LRCH1: variants seen among roughly 807,000 people sequenced by gnomAD.
LRCH1 encodes the protein leucine rich repeats and calponin homology domain containing 1.
A neutral mutation model predicts 94.9 loss-of-function variants in LRCH1; 23 were observed. The observed-to-expected ratio is 0.24, with a 90% confidence interval of 0.17 to 0.34. The LOEUF is 0.34. LRCH1 is among the 10% of genes least tolerant of loss of function. The probability of loss-of-function intolerance (pLI) is 1.00; values close to 1 mark genes in which losing one functional copy is unlikely to be tolerated. For synonymous variants in LRCH1, 364 were observed against 354.9 expected (o/e 1.03, Z -0.29); for missense variants, 790 against 945.9 (o/e 0.84, Z 2.16).
chr13:46,622,276 A>G (rs1198312690), intron 1 of LRCH1, among the ~76,000 whole-genome samples: 1 of 151,738 alleles, frequency 6.6e-6, no homozygotes, highest in Admixed American at 6.6e-5. Context: ...CCTGGTTAAT[A>G]GAGTATACCA....
intron 2 of LRCH1, among the ~76,000 whole-genome samples, chr13:46,652,866 G>A (rs2051325181): frequency 6.6e-6 from 1 of 152,028 alleles, no homozygotes; most frequent in Admixed American, 6.6e-5. Flanking sequence ...ACAATGATAG[G>A]GATTTTAAAA....
At chr13:46,645,512 T>C (rs2051209302) in intron 1 of LRCH1, among the ~76,000 whole-genome samples, 1 of 152,250 alleles carries the variant, frequency 6.6e-6, no homozygotes, top group African/African-American at 2.4e-5. Flanking sequence ...TTTGATTTAA[T>C]ATATTTGACT....
At chr13:46,582,820 GTTAAAC>G (rs2050388822) in intron 1 of LRCH1, among the ~76,000 whole-genome samples, 1 of 151,196 alleles carries the variant, frequency 6.6e-6, no homozygotes, top group African/African-American at 2.4e-5. Context: ...TTTTGATGTA[GTTAAAC>G]AGTTAACTGC....
At chr13:46,591,613 A>C (rs1411710328) in intron 1 of LRCH1, among the ~76,000 whole-genome samples, 1 of 152,206 alleles carries the variant, frequency 6.6e-6, no homozygotes, top group African/African-American at 2.4e-5. Context: ...GATTTTGGAG[A>C]GCTCTGGGTT....
At chr13:46,660,395 T>C (rs905077794) in intron 2 of LRCH1, among the ~76,000 whole-genome samples, 3 of 151,762 alleles carry the variant, frequency 2.0e-5, no homozygotes, top group African/African-American at 7.3e-5. Flanking sequence ...TAAAAATACA[T>C]GATCGGCCGT....
intron 3 of LRCH1, among the ~76,000 whole-genome samples, chr13:46,677,125 G>A (rs1174645084): frequency 6.6e-6 from 1 of 152,028 alleles, no homozygotes; most frequent in Non-Finnish European, 1.5e-5. Flanking sequence ...AATACTTCTA[G>A]TCAGCCGGGC....
intron 1 of LRCH1, among the ~76,000 whole-genome samples, chr13:46,569,263 G>A (rs997036767): frequency 1.3e-5 from 2 of 152,128 alleles, no homozygotes; most frequent in African/African-American, 4.8e-5. Flanking sequence ...CGCACCTACT[G>A]GATGTCAGAC....
At chr13:46,749,641 AAAAGT>A (rs1331994749), downstream of LRCH1, among the ~76,000 whole-genome samples, 3 of 152,234 alleles carry the variant, frequency 2.0e-5, no homozygotes, top group African/African-American at 7.2e-5. Flanking sequence ...AGAAAAAAGA[AAAAGT>A]AAACATTGGG....
intron 1 of LRCH1, among the ~76,000 whole-genome samples, chr13:46,570,695 C>T (rs1189819634): frequency 2.0e-5 from 3 of 152,174 alleles, no homozygotes; most frequent in Non-Finnish European, 4.4e-5. Context: ...ACACATATTC[C>T]GGTAGGGAAG....
Position 46,744,672 on chromosome 13 carries a change from CGA to C in LRCH1, c.*2825_*2826del, listed in dbSNP as rs929779201. The C allele has an allele frequency of 1.5e-5, 15 of 985,252 alleles. No homozygotes were observed. Among genetic ancestry groups the C allele is most frequent in the Non-Finnish European group, 1.8e-5 (15 of 829,924 alleles). 61.0% of individuals were successfully genotyped at this position (985,252 alleles called of 1,614,324 possible). On this transcript the variant is annotated 3_prime_UTR_variant, in exon 20 of 20. Transcript: ENST00000389797. ...GCGCGTGGTGAGCTGGGTTATCTCT[CGA>C]AAACTCATGTAGATGCCTGATTGAG... is the stretch of plus-strand genomic sequence containing the variant.
intron 2 of LRCH1, among the ~76,000 whole-genome samples, chr13:46,659,600 G>A (rs1566206100): frequency 6.6e-6 from 1 of 152,144 alleles, no homozygotes. Flanking sequence ...AAGAATATCA[G>A]CAGTGATACT....
Position 46,629,751 on chromosome 13 carries a change from A to G in LRCH1, c.308-20450A>G, listed in dbSNP as rs145510758. 2.8e-3 allele frequency among the ~76,000 whole-genome samples: 431 copies of G among 152,312 alleles called. 6 individuals are homozygous for G. Among genetic ancestry groups the G allele is most frequent in the Admixed American group, 0.011 (167 of 15,300 alleles). On this transcript the variant is annotated intron_variant, in intron 1 of 19. Transcript: ENST00000389797. ...GCTATTATGTCGCATGTCACTTCCT[A>G]CGAATATCTTGATAGATTAGCTTCC...
intron 1 of LRCH1, among the ~76,000 whole-genome samples, chr13:46,577,597 T>C (rs1344159479): frequency 6.6e-6 from 1 of 152,222 alleles, no homozygotes; most frequent in Non-Finnish European, 1.5e-5. Context: ...AAAGAAGGAA[T>C]GAATGAAATG....
At chr13:46,564,199 C>G (rs1033261095) in intron 1 of LRCH1, among the ~76,000 whole-genome samples, 1 of 152,166 alleles carries the variant, frequency 6.6e-6, no homozygotes, top group African/African-American at 2.4e-5. Flanking sequence ...GGGCAGCCCC[C>G]GACTCACAAA....
chr13:46,609,376 T>A (rs924583220), intron 1 of LRCH1, among the ~76,000 whole-genome samples: 28 of 152,324 alleles, frequency 1.8e-4, no homozygotes, highest in African/African-American at 6.5e-4. Context: ...CAAGCTTGTG[T>A]ACCACTCGTA....
chr13:46,709,370 A>G (rs1265980293), intron 13 of LRCH1, among the ~76,000 whole-genome samples: 5 of 152,184 alleles, frequency 3.3e-5, no homozygotes, highest in Admixed American at 1.3e-4. Context: ...TTAAGCCTGT[A>G]GGTGTTGAGC....
chr13:46,650,124 A>G, intron 1 of LRCH1, 77 bp from the exon 2 acceptor site: 1 of 993,094 alleles, frequency 1.0e-6, no homozygotes, highest in South Asian at 1.7e-5. Flanking sequence ...GTTAAGAAAA[A>G]CAGTGTTTGT....
At chr13:46,676,157 A>C (rs1052541696) in intron 3 of LRCH1, among the ~76,000 whole-genome samples, 7 of 152,092 alleles carry the variant, frequency 4.6e-5, no homozygotes, top group Admixed American at 6.5e-5. Context: ...GCTACACAGC[A>C]GGCTGAGGGA....
intron 3 of LRCH1, among the ~76,000 whole-genome samples, chr13:46,670,165 A>C (rs2051578936): frequency 6.6e-6 from 1 of 152,218 alleles, no homozygotes; most frequent in Admixed American, 6.5e-5. Context: ...AGAAATTAAT[A>C]ATTGCTGTAG....
Sources: gnomAD v4.1 joint callset for allele counts (sites outside exome capture counted in the v4.1 genomes callset) on GRCh38, gnomAD v4.1.1 for gene constraint, MANE v1.5 for transcripts, NCBI Gene and HGNC (gene_info 2026-07-23, HGNC 2026-07-21) for gene names.